The following TMEM132D variants were observed in gnomAD, a reference collection of about 807,000 sequenced individuals.
TMEM132D encodes the protein mature OL transmembrane protein.
In TMEM132D, 21 loss-of-function variants were observed where a neutral mutation model predicts 62.3. That is an observed-to-expected ratio of 0.34 (90% confidence interval 0.24 to 0.49). The LOEUF is 0.49. Ranked by LOEUF, TMEM132D falls within the 20% of genes least tolerant of loss-of-function variation. The probability of loss-of-function intolerance (pLI) is 0.99; values close to 1 mark genes in which losing one functional copy is unlikely to be tolerated. For synonymous variants in TMEM132D, 621 were observed against 575.6 expected, an observed-to-expected ratio of 1.08 and a Z score of -1.13; for missense variants, 1,346 against 1,402.8, an observed-to-expected ratio of 0.96 and a Z score of 0.65.
intron 5 of TMEM132D, among the ~76,000 whole-genome samples, chr12:129,100,097 G>C (rs1163331093): frequency 2.0e-5 from 3 of 152,020 alleles, no homozygotes; most frequent in African/African-American, 7.3e-5. Context: ...CTGGAGTGCA[G>C]TGGCACGATC....
intron 5 of TMEM132D, among the ~76,000 whole-genome samples, chr12:129,095,052 A>G (rs1331240357): frequency 2.0e-5 from 3 of 151,232 alleles, no homozygotes; most frequent in Admixed American, 6.6e-5. Flanking sequence ...GGAGGGGGGA[A>G]GGATAGCATT....
chr12:129,370,828 T>C (rs1303974188), intron 3 of TMEM132D, among the ~76,000 whole-genome samples: 1 of 152,116 alleles, frequency 6.6e-6, no homozygotes, highest in Non-Finnish European at 1.5e-5. Context: ...AGACATAGTG[T>C]CTCTCATAAA....
intron 3 of TMEM132D, among the ~76,000 whole-genome samples, chr12:129,470,712 T>G (rs973038783): frequency 6.6e-5 from 10 of 152,220 alleles, no homozygotes; most frequent in Non-Finnish European, 1.3e-4. Context: ...ATTTTTACAA[T>G]TCTATAAACT....
intron 1 of TMEM132D, among the ~76,000 whole-genome samples, chr12:129,783,867 T>C (rs1204443633): frequency 6.6e-6 from 1 of 152,032 alleles, no homozygotes; most frequent in Non-Finnish European, 1.5e-5. Context: ...GCAGAAAGGG[T>C]CACAAATTCT....
intron 3 of TMEM132D, among the ~76,000 whole-genome samples, chr12:129,528,187 T>G (rs1566099474): frequency 6.6e-6 from 1 of 152,178 alleles, no homozygotes; most frequent in East Asian, 1.9e-4. Context: ...ACCAATATTA[T>G]TAAAACATCT....
At chr12:129,692,995 A>AAT (rs1390031336) in intron 2 of TMEM132D, among the ~76,000 whole-genome samples, 2 of 152,166 alleles carry the variant, frequency 1.3e-5, no homozygotes, top group Non-Finnish European at 2.9e-5. Flanking sequence ...GGAACTTAAC[A>AAT]ATATATAATT....
intron 5 of TMEM132D, among the ~76,000 whole-genome samples, chr12:129,174,758 A>T (rs868140881): frequency 1.3e-5 from 2 of 152,210 alleles, no homozygotes; most frequent in African/African-American, 4.8e-5. Context: ...TTGACTTTGT[A>T]ATAATCACCA....
chr12:129,200,925 C>G (rs971368156), intron 5 of TMEM132D, among the ~76,000 whole-genome samples: 1 of 152,238 alleles, frequency 6.6e-6, no homozygotes, highest in Non-Finnish European at 1.5e-5. Flanking sequence ...CTTCTCCTCA[C>G]AGCAGTTTGC....
chr12:129,621,855 C>G (rs1016100786), intron 2 of TMEM132D, among the ~76,000 whole-genome samples: 1 of 152,166 alleles, frequency 6.6e-6, no homozygotes, highest in African/African-American at 2.4e-5. Flanking sequence ...AGCCCCAGTG[C>G]GGGTGAAACC....
rs58004260 is a variant in TMEM132D, at chr12:129,516,142, A to C, written c.1115+14917T>G. ...ATCAAGAGGCTACACATCCTAGACA[A>C]TTGCACAGCTGATTGGTAGCAGGGC... On this transcript the variant is annotated intron_variant, in intron 3 of 8. Transcript: ENST00000422113. Among the ~76,000 whole-genome samples, 1,203 of 152,268 alleles carry C rather than the reference A, an allele frequency of 7.9e-3. 19 individuals are homozygous for C. Among genetic ancestry groups the C allele is most frequent in the African/African-American group, 0.027 (1,141 of 41,556 alleles).
chr12:129,777,128 G>A (rs1179429169), intron 1 of TMEM132D, among the ~76,000 whole-genome samples: 1 of 152,188 alleles, frequency 6.6e-6, no homozygotes, highest in African/African-American at 2.4e-5. Context: ...CACTTGTGAT[G>A]TTTGTTACTG....
intron 2 of TMEM132D, among the ~76,000 whole-genome samples, chr12:129,674,962 T>C (rs1880592770): frequency 6.6e-6 from 1 of 152,218 alleles, no homozygotes; most frequent in Admixed American, 6.5e-5. Flanking sequence ...TCAGCATGTA[T>C]GTTTTGGATC....
Position 129,683,707 on chromosome 12 carries a change from C to T in TMEM132D, c.968+16103G>A, listed in dbSNP as rs77912117. 3.0e-3 allele frequency among the ~76,000 whole-genome samples: 463 copies of T among 152,316 alleles called. 5 individuals are homozygous for T. The highest frequency in any genetic ancestry group is 0.01 in the African/African-American group (432 of 41,576). On this transcript the variant is annotated intron_variant, in intron 2 of 8. Coordinates refer to ENST00000422113, the MANE Select transcript of TMEM132D (RefSeq NM_133448.3). ...CTATATAGTCTTCCACCACTCCCAA[C>T]CCCTCACCAACCCAGAATGTAGTAA...
intron 1 of TMEM132D, among the ~76,000 whole-genome samples, chr12:129,736,831 T>G (rs1187410594): frequency 1.3e-5 from 2 of 151,080 alleles, no homozygotes; most frequent in Non-Finnish European, 3.0e-5. Flanking sequence ...TTTTTTTTTT[T>G]TCTGAGACAG....
At chr12:129,194,736 G>T (rs1388611183) in intron 5 of TMEM132D, among the ~76,000 whole-genome samples, 1 of 152,162 alleles carries the variant, frequency 6.6e-6, no homozygotes, top group African/African-American at 2.4e-5. Flanking sequence ...TTATGTGAAG[G>T]TTCAGGAAAA....
intron 2 of TMEM132D, among the ~76,000 whole-genome samples, chr12:129,567,933 G>A (rs1244495709): frequency 6.6e-6 from 1 of 152,168 alleles, no homozygotes; most frequent in Non-Finnish European, 1.5e-5. Context: ...TCTCCCATAT[G>A]TCTTGATGTC....
intron 1 of TMEM132D, among the ~76,000 whole-genome samples, chr12:129,743,018 G>T (rs1480691580): frequency 6.6e-6 from 1 of 152,222 alleles, no homozygotes; most frequent in African/African-American, 2.4e-5. Context: ...ACTGTGTAAG[G>T]GTCTCAGGGA....
chr12:129,096,452 C>T (rs768765154), intron 5 of TMEM132D, among the ~76,000 whole-genome samples: 1 of 152,144 alleles, frequency 6.6e-6, no homozygotes, highest in Non-Finnish European at 1.5e-5. Flanking sequence ...GCCAACTCAC[C>T]GGAGGGGTCT....
intron 1 of TMEM132D, among the ~76,000 whole-genome samples, chr12:129,854,214 C>T (rs567009630): frequency 6.6e-6 from 1 of 152,296 alleles, no homozygotes; most frequent in Non-Finnish European, 1.5e-5. Flanking sequence ...AAACGTTCAG[C>T]TATCACTGAA....
Sources: gnomAD v4.1 joint callset for allele counts (sites outside exome capture counted in the v4.1 genomes callset) on GRCh38, gnomAD v4.1.1 for gene constraint, MANE v1.5 for transcripts, NCBI Gene and HGNC (gene_info 2026-07-23, HGNC 2026-07-21) for gene names.